The following CADPS2 variants were observed in gnomAD, a reference collection of about 807,000 sequenced individuals.
CADPS2 encodes the protein calcium dependent secretion activator 2, also known as calcium-dependent secretion activator 2.
Under a neutral mutation model 172.5 loss-of-function variants are expected in CADPS2, and 93 were observed. The observed-to-expected ratio is 0.54, with a 90% CI of 0.46 to 0.64. The LOEUF (loss-of-function observed/expected upper bound fraction) is 0.64, where lower values mean the gene tolerates loss of function less well. Ranked by LOEUF, CADPS2 falls within the 30% of genes least tolerant of loss-of-function variation. The pLI is 0.00. For missense variants in CADPS2, 1,420 were observed against 1,565.9 expected (o/e 0.91, Z 1.57); for synonymous variants, 546 against 555.2 (o/e 0.98, Z 0.23).
intron 3 of CADPS2, among the ~76,000 whole-genome samples, chr7:122,647,982 C>A (rs1387626144): frequency 1.3e-5 from 2 of 152,152 alleles, no homozygotes; most frequent in Non-Finnish European, 2.9e-5. Flanking sequence ...CTTCTCTAAA[C>A]CCACCTCAAT....
chr7:122,386,684 TCTGG>T (rs1469708293), intron 24 of CADPS2, among the ~76,000 whole-genome samples: 1 of 152,078 alleles, frequency 6.6e-6, no homozygotes, highest in East Asian at 1.9e-4. Flanking sequence ...AGATGCAAAC[TCTGG>T]ATACTCTAGA....
intron 14 of CADPS2, among the ~76,000 whole-genome samples, chr7:122,464,693 C>T (rs1463028649): frequency 6.6e-6 from 1 of 152,126 alleles, no homozygotes; most frequent in East Asian, 1.9e-4. Context: ...CAAACCCAAA[C>T]TGAGAGACAT....
chr7:122,611,889 G>C (rs2074339151), intron 6 of CADPS2, among the ~76,000 whole-genome samples: 1 of 150,122 alleles, frequency 6.7e-6, no homozygotes, highest in Non-Finnish European at 1.5e-5. Context: ...TGCAAGGAAT[G>C]CAAGGTTCAT....
At position 122,850,269 on chromosome 7, in the gene CADPS2, C is replaced by T. The variant is rs140373482; in HGVS notation, c.339+35730G>A. The stretch of plus-strand genomic sequence containing the variant: ...CCAGCTCCTGCTCCACTGGGGGCCC[C>T]AGGACTCCCCAGCAGCCTCCTTTCA... On this transcript the variant is annotated intron_variant, in intron 1 of 29. Coordinates refer to ENST00000449022, the MANE Select transcript of CADPS2 (RefSeq NM_017954.11). 1.3e-3 allele frequency: 973 copies of T among 762,238 alleles called. 9 individuals are homozygous for T. In the African/African-American group the frequency reaches 0.016, roughly 12 times the overall value. 47.2% of individuals were successfully genotyped at this position (762,238 alleles called of 1,614,324 possible). A position where few individuals can be genotyped will look rare whatever the true frequency, so the allele number is the denominator to read the frequency against.
intron 1 of CADPS2, 111 bp downstream of exon 1, chr7:122,885,888 A>G: frequency 7.6e-7 from 1 of 1,320,240 alleles, no homozygotes. Flanking sequence ...AGAGACTAAC[A>G]AAAATACGGT....
intron 1 of CADPS2, 82 bp from the exon 2 acceptor site, chr7:122,737,150 T>C (rs1046220156): frequency 1.8e-5 from 13 of 710,464 alleles, no homozygotes; most frequent in Non-Finnish European, 3.2e-5. Flanking sequence ...ATTTGCTGTA[T>C]ATTAGATTTC....
chr7:122,776,834 CT>C (rs1422845361), intron 1 of CADPS2, among the ~76,000 whole-genome samples: 4 of 152,202 alleles, frequency 2.6e-5, no homozygotes, highest in Non-Finnish European at 4.4e-5. Context: ...CTGGTAGCAC[CT>C]TGCATGTAAC....
At chr7:122,769,574 A>T (rs756005143) in intron 1 of CADPS2, among the ~76,000 whole-genome samples, 5 of 152,252 alleles carry the variant, frequency 3.3e-5, no homozygotes, top group Admixed American at 6.5e-5. Flanking sequence ...TATACACAGA[A>T]CACAAGTGTT....
intron 9 of CADPS2, among the ~76,000 whole-genome samples, chr7:122,504,397 A>G (rs993162935): frequency 6.6e-6 from 1 of 152,152 alleles, no homozygotes; most frequent in African/African-American, 2.4e-5. Flanking sequence ...AGGTGTTACT[A>G]TAACGCAGTA....
At chr7:122,689,761 C>T (rs971327792) in intron 2 of CADPS2, among the ~76,000 whole-genome samples, 8 of 152,160 alleles carry the variant, frequency 5.3e-5, no homozygotes, top group East Asian at 1.9e-4. Flanking sequence ...GTGTAGTGAT[C>T]GTGTTATGTT....
intron 2 of CADPS2, among the ~76,000 whole-genome samples, chr7:122,681,873 T>C (rs1050548295): frequency 3.3e-5 from 5 of 151,916 alleles, no homozygotes; most frequent in Non-Finnish European, 5.9e-5. Context: ...GAGATGAGTC[T>C]AGACCCAAAT....
intron 1 of CADPS2, among the ~76,000 whole-genome samples, chr7:122,819,954 A>G (rs1802660866): frequency 6.6e-6 from 1 of 152,162 alleles, no homozygotes; most frequent in African/African-American, 2.4e-5. Context: ...GCCTGTTATC[A>G]CTAGCCTGCT....
intron 2 of CADPS2, among the ~76,000 whole-genome samples, chr7:122,697,054 G>T (rs182207291): frequency 6.6e-6 from 1 of 152,240 alleles, no homozygotes; most frequent in African/African-American, 2.4e-5. Flanking sequence ...CACATGGGAA[G>T]TAAATTTGCC....
intron 12 of CADPS2, among the ~76,000 whole-genome samples, 177 bp downstream of exon 12, chr7:122,480,675 T>C (rs1300388989): frequency 2.6e-5 from 4 of 152,186 alleles, no homozygotes; most frequent in Non-Finnish European, 2.9e-5. Flanking sequence ...TTGTTTCTAC[T>C]TTTTTTGTTG....
intron 8 of CADPS2, among the ~76,000 whole-genome samples, chr7:122,522,939 GT>G (rs1257099764): frequency 6.6e-6 from 1 of 152,064 alleles, no homozygotes; most frequent in African/African-American, 2.4e-5. Context: ...ATTCCATTGT[GT>G]ACATGTACCA....
intron 2 of CADPS2, among the ~76,000 whole-genome samples, chr7:122,678,500 T>G (rs886663922): frequency 1.3e-5 from 2 of 152,142 alleles, no homozygotes; most frequent in Non-Finnish European, 2.9e-5. Flanking sequence ...GTAAGGATAA[T>G]TTGGTGGGCA....
At chr7:122,689,775 A>G (rs1320382275) in intron 2 of CADPS2, among the ~76,000 whole-genome samples, 2 of 152,144 alleles carry the variant, frequency 1.3e-5, no homozygotes, top group Non-Finnish European at 1.5e-5. Context: ...TTATGTTTGC[A>G]CAAACCTCAG....
intron 8 of CADPS2, among the ~76,000 whole-genome samples, chr7:122,537,293 A>AC (rs1200146934): frequency 3.3e-5 from 5 of 151,716 alleles, no homozygotes; most frequent in East Asian, 1.9e-4. Flanking sequence ...CAAAAAAAAA[A>AC]CAAACAAACA....
chr7:122,407,896 T>C, intron 19 of CADPS2, 200 bp from the exon 20 acceptor site: 5 of 532,572 alleles, frequency 9.4e-6, no homozygotes, highest in Non-Finnish European at 6.6e-6. Flanking sequence ...AGGAATGAAA[T>C]AGAAAATAGA....
Sources: gnomAD v4.1 joint callset for allele counts (sites outside exome capture counted in the v4.1 genomes callset) on GRCh38, gnomAD v4.1.1 for gene constraint, MANE v1.5 for transcripts, NCBI Gene and HGNC (gene_info 2026-07-23, HGNC 2026-07-21) for gene names.